FBLN2: variants seen among roughly 807,000 people sequenced by gnomAD.
FBLN2 encodes fibulin-2.
In FBLN2, 81 loss-of-function variants were observed where a neutral mutation model predicts 123.7. The observed-to-expected ratio is 0.65, with a 90% CI of 0.55 to 0.79. FBLN2 has a LOEUF of 0.79. FBLN2 is among the 30% of genes least tolerant of loss of function. The pLI is 0.00. For missense variants in FBLN2, 1,603 were observed against 1,681.3 expected (o/e 0.95, Z 0.81); for synonymous variants, 699 against 701.4 (o/e 1.00, Z 0.05).
intron 2 of FBLN2, among the ~76,000 whole-genome samples, chr3:13,580,987 G>C (rs1297101210): frequency 6.6e-6 from 1 of 152,216 alleles, no homozygotes; most frequent in African/African-American, 2.4e-5. Flanking sequence ...TCATGTCTGT[G>C]CCACGTGGTC....
At chr3:13,561,197 G>T (rs1242843240) in intron 1 of FBLN2, among the ~76,000 whole-genome samples, 2 of 152,126 alleles carry the variant, frequency 1.3e-5, no homozygotes, top group African/African-American at 4.8e-5. Context: ...GATTTCACCA[G>T]GTTTTGTACT....
At chr3:13,613,930 C>G in intron 4 of FBLN2, 54 bp from the exon 5 acceptor site, 1 of 1,571,800 alleles carries the variant, frequency 6.4e-7, no homozygotes, top group Non-Finnish European at 8.6e-7. Flanking sequence ...TCCCCTGAGC[C>G]TAGCTCCAGG....
rs766322718 is a variant in FBLN2 at position 13,570,497 on chromosome 3, G to T, written c.142G>T (p.Ala48Ser). The T allele has an allele frequency of 7.6e-6, 12 of 1,585,098 alleles. No individual in the cohort carries two copies. In the East Asian group the frequency reaches 2.1e-4, roughly 27 times the overall value. ...GCCGCTGGAGAACTGCATTGAGGAG[G>T]CGCTGGAGCCGGGTGCCTGCTGTGC... ...CPPLENCIEE[A>S]LEPGACCATC... Residue 48 changes from alanine (A) to serine (S), a missense_variant, in exon 2 of 18, where the codon GCG (alanine) becomes TCG (serine). Transcript: ENST00000404922.
intron 9 of FBLN2, among the ~76,000 whole-genome samples, chr3:13,623,980 A>G (rs1168779155): frequency 6.6e-6 from 1 of 152,210 alleles, no homozygotes; most frequent in Non-Finnish European, 1.5e-5. Context: ...GACCTGTGCC[A>G]AGGACTCCCC....
Position 13,630,787 on chromosome 3 carries a change from G to A in FBLN2, c.3057G>A (p.Gln1019=). The change falls in exon 15 of 18, where the codon CAG becomes CAA. Residue 1019 remains glutamine (Q), a synonymous_variant. Transcript: ENST00000404922. ...SYQCYCRQGY[Q]LAEDGHTCTD... ...AGTGCTACTGCCGCCAGGGCTACCA[G>A]CTGGCTGAGGATGGGCACACCTGCA... 6.2e-7 allele frequency: 1 copy of A among 1,607,414 alleles called. No homozygotes were observed. The highest frequency in any genetic ancestry group is 8.5e-7 in the Non-Finnish European group (1 of 1,177,180).
intron 2 of FBLN2, among the ~76,000 whole-genome samples, chr3:13,580,547 A>C (rs1704292277): frequency 6.6e-6 from 1 of 152,136 alleles, no homozygotes; most frequent in Non-Finnish European, 1.5e-5. Flanking sequence ...TAAAGAGGAA[A>C]TTAAGCAGGT....
At chr3:13,590,803 C>G (rs1191769824) in intron 2 of FBLN2, among the ~76,000 whole-genome samples, 1 of 152,138 alleles carries the variant, frequency 6.6e-6, no homozygotes, top group Non-Finnish European at 1.5e-5. Flanking sequence ...AGGAATAAAT[C>G]ATAGTTTTAA....
chr3:13,614,576 GTCCATCCA>G (rs747826390), intron 5 of FBLN2, among the ~76,000 whole-genome samples: 1 of 142,796 alleles, frequency 7.0e-6, no homozygotes, highest in Admixed American at 6.8e-5. Context: ...CCCATCATCT[GTCCATCCA>G]TCCATCCATC....
At position 13,622,547 on chromosome 3, in the gene FBLN2, C is replaced by T. The variant is rs1396369200; in HGVS notation, c.2296+632C>T. 2.6e-5 allele frequency among the ~76,000 whole-genome samples: 4 copies of T among 151,948 alleles called. No homozygotes were observed. The East Asian group carries it at 5.8e-4, about 22-fold the overall frequency. On this transcript the variant is annotated intron_variant, in intron 9 of 17. Coordinates refer to ENST00000404922, the MANE Select transcript of FBLN2 (RefSeq NM_001004019.2). ...CTATGTGACCTTGAGCAGCGGAGCTCTCCTCTCTGAGCCTGCCTTTCCTCC... is the reference window on the plus strand; with the variant it reads ...CTATGTGACCTTGAGCAGCGGAGCTTTCCTCTCTGAGCCTGCCTTTCCTCC...
chr3:13,589,510 A>G (rs1162863289), intron 2 of FBLN2, among the ~76,000 whole-genome samples: 1 of 152,112 alleles, frequency 6.6e-6, no homozygotes, highest in Non-Finnish European at 1.5e-5. Flanking sequence ...AGCAGCTGGG[A>G]CAGACTTTCA....
rs751682068 is a variant in FBLN2 at position 13,621,733 on chromosome 3, C to G, written c.2156-42C>G. On this transcript the variant is annotated intron_variant, in intron 8 of 17. Transcript: ENST00000404922. ...GGATGCTCCGTGGCAGCCCATGTCC[C>G]TCTAACAGTCCTTCTGTTTTTCCTC... The G allele has an allele frequency of 2.9e-5, 47 of 1,610,556 alleles. 1 individual carries two copies. The South Asian group carries it at 4.6e-4, about 16-fold the overall frequency.
rs543415486 is a variant in FBLN2, at chr3:13,582,254, A to T, written c.1306+10593A>T. Among the ~76,000 whole-genome samples, 3 of 152,138 alleles carry T rather than the reference A, an allele frequency of 2.0e-5. No homozygotes were observed. In the East Asian group the frequency reaches 5.8e-4, roughly 29 times the overall value. ...TCACGCACCCAGGCCAAGGCAGCAG[A>T]TGCGGCTTTCCTGAGGCTGAACCAT... On this transcript the variant is annotated intron_variant, in intron 2 of 17. Coordinates refer to ENST00000404922, the MANE Select transcript of FBLN2 (RefSeq NM_001004019.2).
chr3:13,629,144 A>T lies in FBLN2; in HGVS notation c.2714-20A>T. 6.2e-7 allele frequency: 1 copy of T among 1,612,656 alleles called. No individual in the cohort carries two copies. The highest frequency in any genetic ancestry group is 8.5e-7 in the Non-Finnish European group (1 of 1,179,466). On this transcript the variant is annotated intron_variant, in intron 12 of 17. Coordinates refer to ENST00000404922, the MANE Select transcript of FBLN2 (RefSeq NM_001004019.2). Reference sequence around the variant, plus strand: ...TGGAGGGAGCCCCAGGCCTCAAGGTACCCTGCTCACCCCCCACAGACGTGA... The same window carrying T: ...TGGAGGGAGCCCCAGGCCTCAAGGTTCCCTGCTCACCCCCCACAGACGTGA...
intron 2 of FBLN2, among the ~76,000 whole-genome samples, chr3:13,578,678 CAT>C (rs1326442572): frequency 9.2e-5 from 14 of 152,040 alleles, no homozygotes; most frequent in Admixed American, 5.2e-4. Context: ...TATATGGACA[CAT>C]GTTTTCATTC....
chr3:13,572,211 C>T (rs1027445463), intron 2 of FBLN2, among the ~76,000 whole-genome samples: 5 of 152,228 alleles, frequency 3.3e-5, no homozygotes, highest in African/African-American at 1.2e-4. Context: ...GAAGTGAACT[C>T]GTGGACAGAG....
chr3:13,636,739 A>T (rs1706486454), intron 17 of FBLN2, among the ~76,000 whole-genome samples, 171 bp downstream of exon 17: 1 of 152,194 alleles, frequency 6.6e-6, no homozygotes, highest in African/African-American at 2.4e-5. Flanking sequence ...GCTTTTAGAG[A>T]GTTCAGGGTT....
intron 4 of FBLN2, among the ~76,000 whole-genome samples, chr3:13,611,238 C>T (rs931589342): frequency 2.6e-5 from 4 of 152,282 alleles, no homozygotes; most frequent in South Asian, 2.1e-4. Flanking sequence ...TGAGCCACTG[C>T]GTCCAGCTGA....
intron 2 of FBLN2, among the ~76,000 whole-genome samples, chr3:13,594,488 C>T (rs577198730): frequency 6.6e-6 from 1 of 152,270 alleles, no homozygotes; most frequent in African/African-American, 2.4e-5. Context: ...AGCTTTGATT[C>T]CTGTCCTGGG....
chr3:13,558,755 GTCCATCCATCCA>G (rs59549734), intron 1 of FBLN2, among the ~76,000 whole-genome samples: 15 of 127,084 alleles, frequency 1.2e-4, no homozygotes, highest in African/African-American at 3.7e-4. Flanking sequence ...CCATTCACTC[GTCCATCCATCCA>G]TCCATCCATC....
Sources: allele counts gnomAD v4.1 joint callset (sites outside exome capture counted in the v4.1 genomes callset), GRCh38; gene constraint gnomAD v4.1.1; transcripts MANE v1.5; gene names NCBI Gene and HGNC (gene_info 2026-07-23, HGNC 2026-07-21).